Variants in SDHC observed in about 807,000 individuals in gnomAD.
The protein encoded by SDHC is succinate dehydrogenase cytochrome b560 subunit, mitochondrial.
A neutral mutation model predicts 22.6 loss-of-function variants in SDHC; 11 were observed. That is an observed-to-expected ratio of 0.49 (90% CI 0.31 to 0.81). The LOEUF is 0.81. Among genes scored for constraint, SDHC ranks in the 30% least tolerant of loss-of-function variants. The pLI, the probability that SDHC is intolerant of heterozygous loss-of-function variation, is 0.05. For synonymous variants in SDHC, 80 were observed against 77.8 expected (o/e 1.03, Z -0.15); for missense variants, 160 against 212.0 (o/e 0.75, Z 1.52).
At chr1:161,341,213 G>A (rs775420999) in intron 4 of SDHC, among the ~76,000 whole-genome samples, 2 of 152,150 alleles carry the variant, frequency 1.3e-5, no homozygotes, top group Non-Finnish European at 2.9e-5. Flanking sequence ...AAATTATAGA[G>A]AGCAGAGAAA....
At chr1:161,315,865 G>A (rs965254251) in intron 1 of SDHC, among the ~76,000 whole-genome samples, 2 of 152,132 alleles carry the variant, frequency 1.3e-5, no homozygotes, top group African/African-American at 4.8e-5. Flanking sequence ...CGGCCTCTGA[G>A]TTCCCTTAGT....
intron 4 of SDHC, among the ~76,000 whole-genome samples, chr1:161,349,269 C>G (rs1342270832): frequency 1.3e-5 from 2 of 151,978 alleles, no homozygotes; most frequent in African/African-American, 4.8e-5. Flanking sequence ...TTGAGAACAG[C>G]CTGGCTAACA....
At chr1:161,331,733 T>C (rs1671283106) in intron 3 of SDHC, among the ~76,000 whole-genome samples, 1 of 151,666 alleles carries the variant, frequency 6.6e-6, no homozygotes, top group Non-Finnish European at 1.5e-5. Flanking sequence ...GTAGCTGGGA[T>C]TACAGGCGCA....
intron 2 of SDHC, among the ~76,000 whole-genome samples, chr1:161,325,572 C>G (rs557929154): frequency 3.9e-5 from 6 of 152,042 alleles, no homozygotes; most frequent in Non-Finnish European, 8.8e-5. Flanking sequence ...TCCAGCTACT[C>G]GGGAAGCTGA....
intron 1 of SDHC, chr1:161,314,686 C>G (rs1000238232): frequency 8.9e-6 from 5 of 564,694 alleles, no homozygotes; most frequent in Non-Finnish European, 1.6e-5. Context: ...CCCACCTCCT[C>G]TAGTACTTCT....
rs190583072 is a variant in SDHC, at chr1:161,357,211, G to A, written c.405+371G>A. Among the ~76,000 whole-genome samples, 166 of 152,118 alleles carry A rather than the reference G, an allele frequency of 1.1e-3. 1 individual carries two copies. Among genetic ancestry groups the A allele is most frequent in the Middle Eastern group, 3.4e-3 (1 of 292 alleles). ...CAAAGTGCTAGGATTATAGGCGTGA[G>A]CCACCGCGCCCAGCTAGTGCTGTTC... is the stretch of plus-strand genomic sequence containing the variant. On this transcript the variant is annotated intron_variant, in intron 5 of 5. Coordinates refer to ENST00000367975, the MANE Select transcript of SDHC (RefSeq NM_003001.5).
chr1:161,356,366 C>A (rs1222327447), intron 4 of SDHC, among the ~76,000 whole-genome samples: 1 of 152,100 alleles, frequency 6.6e-6, no homozygotes, highest in Non-Finnish European at 1.5e-5. Flanking sequence ...TGGTGAAACC[C>A]TGTCTCTACT....
At chr1:161,340,531 T>C in intron 3 of SDHC, 63 bp from the exon 4 acceptor site, 4 of 1,427,396 alleles carry the variant, frequency 2.8e-6, no homozygotes, top group Non-Finnish European at 4.0e-6. Flanking sequence ...TTTGCCAAGA[T>C]AGACTCTCTA....
At chr1:161,324,578 T>C (rs1232156850) in intron 2 of SDHC, among the ~76,000 whole-genome samples, 1 of 152,250 alleles carries the variant, frequency 6.6e-6, no homozygotes, top group Non-Finnish European at 1.5e-5. Flanking sequence ...TTGTGTTTGC[T>C]TATCACTCTT....
chr1:161,328,295 C>T, intron 2 of SDHC, 101 bp from the exon 3 acceptor site: 2 of 955,114 alleles, frequency 2.1e-6, no homozygotes, highest in Non-Finnish European at 3.4e-6. Context: ...AGCAACCATG[C>T]CTGGCTTGGT....
chr1:161,349,007 A>G (rs1185796996), intron 4 of SDHC, among the ~76,000 whole-genome samples: 1 of 152,208 alleles, frequency 6.6e-6, no homozygotes, highest in Non-Finnish European at 1.5e-5. Context: ...AAGATAAAAC[A>G]TACAACATAA....
chr1:161,328,560 C>A, intron 3 of SDHC, 63 bp downstream of exon 3: 2 of 1,141,050 alleles, frequency 1.8e-6, no homozygotes, highest in South Asian at 1.2e-5. Context: ...GAAGGTTGAT[C>A]TTTAGCCTAC....
intron 1 of SDHC, among the ~76,000 whole-genome samples, chr1:161,317,266 G>A (rs918437186): frequency 1.3e-5 from 2 of 151,778 alleles, no homozygotes; most frequent in Non-Finnish European, 2.9e-5. Flanking sequence ...CTGACCTCAT[G>A]ATCCATCCGC....
chr1:161,338,312 C>A, intron 3 of SDHC, among the ~76,000 whole-genome samples: 1 of 152,154 alleles, frequency 6.6e-6, no homozygotes, highest in Middle Eastern at 3.2e-3. Context: ...TTCTTACTTA[C>A]TATGACCATT....
At chr1:161,314,743 A>T (rs978815043) in intron 1 of SDHC, 1 of 424,200 alleles carries the variant, frequency 2.4e-6, no homozygotes, top group Non-Finnish European at 4.3e-6. Context: ...GCTCTGAGAA[A>T]ATAACTTCAA....
chr1:161,353,457 A>G (rs1672159370), intron 4 of SDHC, among the ~76,000 whole-genome samples: 1 of 152,170 alleles, frequency 6.6e-6, no homozygotes, highest in Non-Finnish European at 1.5e-5. Context: ...AGTCTTCTAT[A>G]ATAGCTTATC....
chr1:161,329,351 A>C (rs1451170108), intron 3 of SDHC, among the ~76,000 whole-genome samples: 2 of 151,458 alleles, frequency 1.3e-5, no homozygotes, highest in Non-Finnish European at 2.9e-5. Flanking sequence ...TATTTTTCTG[A>C]GGCAGAGTCT....
rs1671216937 is a variant in SDHC, at chr1:161,329,983, G to A, written c.179+1486G>A. ...ACCTCCCCAAATATTTCAGGACAAT[G>A]CCTCCATCTCAAGGTCTTTAATTTA... On this transcript the variant is annotated intron_variant, in intron 3 of 5. Coordinates refer to ENST00000367975, the MANE Select transcript of SDHC (RefSeq NM_003001.5). Among the ~76,000 whole-genome samples the A allele has an allele frequency of 2.6e-5, 4 of 152,164 alleles. No homozygotes were observed. The South Asian group carries it at 8.3e-4, about 32-fold the overall frequency.
rs996563957 is a variant in SDHC at position 161,319,340 on chromosome 1, A to G, written c.21-4274A>G. On this transcript the variant is annotated intron_variant, in intron 1 of 5. Coordinates refer to ENST00000367975, the MANE Select transcript of SDHC (RefSeq NM_003001.5). ...ATAAATAGATTAATTATTAAACCACATAAGAAATATTGATAGATATGAACA... is the reference window on the plus strand; with the variant it reads ...ATAAATAGATTAATTATTAAACCACGTAAGAAATATTGATAGATATGAACA... Among the ~76,000 whole-genome samples the G allele has an allele frequency of 2.6e-5, 4 of 152,206 alleles. No homozygotes were observed. The East Asian group carries it at 5.8e-4, about 22-fold the overall frequency.
Sources: allele counts gnomAD v4.1 joint callset (sites outside exome capture counted in the v4.1 genomes callset), GRCh38; gene constraint gnomAD v4.1.1; transcripts MANE v1.5; gene names NCBI Gene and HGNC (gene_info 2026-07-23, HGNC 2026-07-21).